NT5C3A: variants seen among roughly 807,000 people sequenced by gnomAD.
The protein encoded by NT5C3A is 5'-nucleotidase, cytosolic IIIA, also known as cytosolic 5'-nucleotidase 3A.
A neutral mutation model predicts 40.0 loss-of-function variants in NT5C3A; 23 were observed. The ratio of observed to expected loss-of-function variants is 0.58; its 90% confidence interval spans 0.41 to 0.81. The LOEUF (loss-of-function observed/expected upper bound fraction) is 0.81, where lower values mean the gene tolerates loss of function less well. NT5C3A is among the 40% of genes least tolerant of loss of function. The pLI is 0.00. For synonymous variants in NT5C3A, 130 were observed against 141.4 expected, an observed-to-expected ratio of 0.92 and a Z score of 0.57; for missense variants, 328 against 403.0, an observed-to-expected ratio of 0.81 and a Z score of 1.59.
At chr7:33,035,929 C>T in intron 1 of NT5C3A, 3 of 1,609,722 alleles carry the variant, frequency 1.9e-6, no homozygotes, top group Non-Finnish European at 2.6e-6. Flanking sequence ...TAGGCAAATA[C>T]CCACCATTTT....
At position 33,019,209 on chromosome 7, in the gene NT5C3A, T is replaced by C. The variant is rs190376436; in HGVS notation, c.530+426A>G. On this transcript the variant is annotated intron_variant, in intron 6 of 8. Coordinates refer to ENST00000610140, the MANE Select transcript of NT5C3A (RefSeq NM_001002010.5). ...GGCAGAGGTTGAACTGAGGAAGAGATTATGTCACTACACTCTAACCTGGGC... is the reference window on the plus strand; with the variant it reads ...GGCAGAGGTTGAACTGAGGAAGAGACTATGTCACTACACTCTAACCTGGGC... 1.6e-3 allele frequency among the ~76,000 whole-genome samples: 237 copies of C among 151,914 alleles called. 1 individual carries two copies. The highest frequency in any genetic ancestry group is 5.7e-3 in the African/African-American group (235 of 41,434).
chr7:33,021,902 A>C (rs1045376425), intron 4 of NT5C3A, 151 bp downstream of exon 4: 1 of 622,444 alleles, frequency 1.6e-6, no homozygotes, highest in Non-Finnish European at 2.9e-6. Flanking sequence ...TCATACAGCA[A>C]ACCTACTATT....
At chr7:33,029,400 G>A (rs1039506321) in intron 1 of NT5C3A, 69 of 333,720 alleles carry the variant, frequency 2.1e-4, no homozygotes, top group Middle Eastern at 1.1e-3. Flanking sequence ...TGCTGTTTTG[G>A]AATATCACTT....
At chr7:33,030,434 G>A (rs575325933) in intron 1 of NT5C3A, among the ~76,000 whole-genome samples, 378 of 152,154 alleles carry the variant, frequency 2.5e-3, no homozygotes, top group Non-Finnish European at 4.4e-3. Context: ...GAAGGGCAAG[G>A]TATTTTGAAT....
Position 33,052,441 on chromosome 7 carries a change from G to A in NT5C3A, c.138+10127C>T, listed in dbSNP as rs1036320817. Among the ~76,000 whole-genome samples the A allele has an allele frequency of 3.9e-5, 5 of 126,648 alleles. 1 individual carries two copies. In the South Asian group the frequency reaches 1.2e-3, roughly 32 times the overall value. The allele number at this position is 126,648 out of a possible 152,430, so 83.1% of individuals were successfully genotyped here. A position where few individuals can be genotyped will look rare whatever the true frequency, so the allele number is the denominator to read the frequency against. On this transcript the variant is annotated intron_variant, in intron 1 of 8. Transcript: ENST00000610140. ...ACAGAGGTTGCAGTGAGCCAAGATCGCATCACTACACTCCAGCCTGGGCAA... is the reference window on the plus strand; with the variant it reads ...ACAGAGGTTGCAGTGAGCCAAGATCACATCACTACACTCCAGCCTGGGCAA...
At chr7:33,022,370 C>T (rs1438622149) in intron 3 of NT5C3A, among the ~76,000 whole-genome samples, 3 of 152,204 alleles carry the variant, frequency 2.0e-5, no homozygotes, top group African/African-American at 7.2e-5. Flanking sequence ...AATTCAATAT[C>T]TTCAAATACT....
chr7:33,056,897 C>T (rs907101415), intron 1 of NT5C3A, among the ~76,000 whole-genome samples: 5 of 152,064 alleles, frequency 3.3e-5, no homozygotes, highest in Non-Finnish European at 5.9e-5. Context: ...CTGCAACCTC[C>T]GCCTCCTGGA....
In NT5C3A at chr7:33,056,473, C is replaced by CA. The variant is rs70989927; in HGVS notation, c.138+6094dup. Reference sequence around the variant, plus strand: ...GCAAATAGTGAGACCCCGTCTCTACCAAAAAAAAAAAAAAAAAAAAAAAAA... The same window carrying CA: ...GCAAATAGTGAGACCCCGTCTCTACCAAAAAAAAAAAAAAAAAAAAAAAAAA... On this transcript the variant is annotated intron_variant, in intron 1 of 8. Transcript: ENST00000610140. Among the ~76,000 whole-genome samples, 224 of 43,716 alleles carry CA rather than the reference C, an allele frequency of 5.1e-3. 18 individuals are homozygous for CA. Among genetic ancestry groups the CA allele is most frequent in the East Asian group, 0.013 (13 of 968 alleles). The allele number at this position is 43,716 out of a possible 152,430, so 28.7% of individuals were successfully genotyped here. A position where few individuals can be genotyped will look rare whatever the true frequency, so the allele number is the denominator to read the frequency against.
At chr7:33,030,370 T>C (rs1786178181) in intron 1 of NT5C3A, among the ~76,000 whole-genome samples, 1 of 152,194 alleles carries the variant, frequency 6.6e-6, no homozygotes, top group Admixed American at 6.5e-5. Context: ...TATATCCCTC[T>C]TATAAAAACA....
chr7:33,014,980 A>T (rs2127991862), intron 8 of NT5C3A, 149 bp from the exon 9 acceptor site: 2 of 748,126 alleles, frequency 2.7e-6, no homozygotes, highest in East Asian at 5.5e-5. Context: ...ATATTTTCAA[A>T]TCCTTAAGAC....
intron 5 of NT5C3A, among the ~76,000 whole-genome samples, chr7:33,020,984 G>A (rs199774376): frequency 0.021 from 1,551 of 72,250 alleles, 56 homozygotes; most frequent in East Asian, 0.18. Context: ...ATTAAGCCAC[G>A]TTTTGTTCAT....
At chr7:33,040,633 C>A (rs72555731) in intron 1 of NT5C3A, among the ~76,000 whole-genome samples, 7 of 152,108 alleles carry the variant, frequency 4.6e-5, no homozygotes, top group African/African-American at 1.7e-4. Flanking sequence ...ACAGGTGAAA[C>A]AAGAAGCTCT....
At chr7:33,023,582 CAT>C (rs1447999435) in intron 3 of NT5C3A, 1 of 186,466 alleles carries the variant, frequency 5.4e-6, no homozygotes, top group East Asian at 1.5e-4. Context: ...TCAATTTACA[CAT>C]GTACTAAAAG....
At chr7:33,044,141 C>T (rs1787044045) in intron 1 of NT5C3A, among the ~76,000 whole-genome samples, 4 of 151,896 alleles carry the variant, frequency 2.6e-5, no homozygotes, top group Admixed American at 2.6e-4. Flanking sequence ...GATTCTCCTG[C>T]CTCAGCCTTC....
At chr7:33,054,097 T>C (rs1191684534) in intron 1 of NT5C3A, among the ~76,000 whole-genome samples, 1 of 152,040 alleles carries the variant, frequency 6.6e-6, no homozygotes, top group Non-Finnish European at 1.5e-5. Flanking sequence ...GGCACATGTC[T>C]GTAATCCCAG....
At chr7:33,045,787 T>C (rs750421410) in intron 1 of NT5C3A, 1 of 151,860 alleles carries the variant, frequency 6.6e-6, no homozygotes, top group African/African-American at 2.4e-5. Flanking sequence ...AAATTTTTTT[T>C]AAAAAAACAT....
At chr7:33,040,937 T>C (rs1428606779) in intron 1 of NT5C3A, 4 of 985,282 alleles carry the variant, frequency 4.1e-6, no homozygotes, top group Middle Eastern at 5.2e-4. Context: ...AGTACTAATA[T>C]AGCACAAGGT....
chr7:33,042,259 G>A (rs1304812118), intron 1 of NT5C3A, among the ~76,000 whole-genome samples: 1 of 152,036 alleles, frequency 6.6e-6, no homozygotes, highest in Non-Finnish European at 1.5e-5. Flanking sequence ...GAACCCAGGA[G>A]GCGGAGGTTG....
intron 7 of NT5C3A, among the ~76,000 whole-genome samples, chr7:33,016,812 A>C (rs1247738284): frequency 1.3e-5 from 2 of 152,182 alleles, no homozygotes; most frequent in Admixed American, 1.3e-4. Flanking sequence ...CGTTATTCAA[A>C]TAATGTCAGT....
Sources: allele counts gnomAD v4.1 joint callset (sites outside exome capture counted in the v4.1 genomes callset), GRCh38; gene constraint gnomAD v4.1.1; transcripts MANE v1.5; gene names NCBI Gene and HGNC (gene_info 2026-07-23, HGNC 2026-07-21).